Variants in SEPTIN9 observed in about 807,000 individuals in gnomAD.
SEPTIN9 encodes the protein septin-9.
In SEPTIN9, 13 loss-of-function variants were observed where a neutral mutation model predicts 56.6. The ratio of observed to expected loss-of-function variants is 0.23; its 90% CI spans 0.15 to 0.37. SEPTIN9 has a LOEUF of 0.37. SEPTIN9 is among the 10% of genes least tolerant of loss of function. SEPTIN9 has a pLI of 1.00. For missense variants in SEPTIN9, 650 were observed against 823.1 expected (o/e 0.79, Z 2.57); for synonymous variants, 332 against 334.1 (o/e 0.99, Z 0.07).
chr17:77,305,798 G>C (rs1035206867), intron 1 of SEPTIN9, among the ~76,000 whole-genome samples: 6 of 150,892 alleles, frequency 4.0e-5, no homozygotes, highest in African/African-American at 1.5e-4. Context: ...AGTTCACTCT[G>C]CCTCCGCTCT....
chr17:77,406,483 A>T (rs1362651660), intron 3 of SEPTIN9, among the ~76,000 whole-genome samples: 1 of 151,796 alleles, frequency 6.6e-6, no homozygotes, highest in African/African-American at 2.4e-5. Flanking sequence ...TTTTCAGATC[A>T]TAAAAAGTAA....
intron 2 of SEPTIN9, among the ~76,000 whole-genome samples, chr17:77,342,211 T>C (rs1261878130): frequency 1.3e-5 from 2 of 152,224 alleles, no homozygotes; most frequent in African/African-American, 2.4e-5. Context: ...TAACATGTTG[T>C]TGGAAAAATG....
At chr17:77,311,378 C>T (rs373813259) in intron 2 of SEPTIN9, among the ~76,000 whole-genome samples, 1 of 152,152 alleles carries the variant, frequency 6.6e-6, no homozygotes, top group African/African-American at 2.4e-5. Flanking sequence ...CACTGATGCA[C>T]CTCCCACCTG....
Position 77,487,281 on chromosome 17 carries a change from G to T in SEPTIN9, c.914-143G>T. On this transcript the variant is annotated intron_variant, in intron 4 of 11. Coordinates refer to ENST00000427177, the MANE Select transcript of SEPTIN9 (RefSeq NM_001113491.2). This position sits in a 1 kb window ranked among gnomAD's most constrained non-coding sequence, Gnocchi z 4.3. ...AGGGTGAAGTCCTCGGGGGCTGCTT[G>T]GCAGGGATATTGCCGGGAGGTAGCC... 1 of 885,626 alleles carries T rather than the reference G, an allele frequency of 1.1e-6. No individual in the cohort carries two copies. The highest frequency in any genetic ancestry group is 1.8e-6 in the Non-Finnish European group (1 of 556,966). 54.9% of individuals were successfully genotyped at this position (885,626 alleles called of 1,614,324 possible).
chr17:77,315,291 C>CTT (rs71280839), intron 2 of SEPTIN9, among the ~76,000 whole-genome samples: 54 of 144,282 alleles, frequency 3.7e-4, no homozygotes, highest in African/African-American at 6.6e-4. Flanking sequence ...CACCTAACTT[C>CTT]TTTTTTTTTT....
At chr17:77,484,925 GTGAT>G in intron 4 of SEPTIN9, among the ~76,000 whole-genome samples, 1 of 104,102 alleles carries the variant, frequency 9.6e-6, no homozygotes, top group Non-Finnish European at 2.0e-5. Context: ...GGTGGTGATT[GTGAT>G]GGTGGTGATG....
chr17:77,488,434 T>C (rs1398532434), intron 6 of SEPTIN9, 113 bp downstream of exon 6: 8 of 1,005,522 alleles, frequency 8.0e-6, no homozygotes, highest in Non-Finnish European at 1.2e-5. Context: ...GCCCACCTCC[T>C]GGGACCTGAC....
At chr17:77,387,996 C>T (rs1478526672) in intron 2 of SEPTIN9, among the ~76,000 whole-genome samples, 1 of 152,016 alleles carries the variant, frequency 6.6e-6, no homozygotes, top group Non-Finnish European at 1.5e-5. Flanking sequence ...CCCCAGACCC[C>T]TCTCTTGTAG....
In SEPTIN9 at chr17:77,430,998, A is replaced by C. The variant is rs1029168494; in HGVS notation, c.721+28295A>C. ...AGAGCAATACTCCGTATCAAAAAAAAAAAAAAGAAGAAGAACAAGAAGTGC... is the reference window on the plus strand; with the variant it reads ...AGAGCAATACTCCGTATCAAAAAAACAAAAAAGAAGAAGAACAAGAAGTGC... On this transcript the variant is annotated intron_variant, in intron 3 of 11. Transcript: ENST00000427177. 2.5e-3 allele frequency among the ~76,000 whole-genome samples: 374 copies of C among 150,010 alleles called. 3 individuals are homozygous for C. The highest frequency in any genetic ancestry group is 8.0e-3 in the African/African-American group (317 of 39,818).
rs751061565 is a variant in SEPTIN9 at position 77,429,188 on chromosome 17, C to CGAGGCT, written c.721+26497_721+26502dup. ...CTGAGGCCAAGACCAAGGCTGAGGC[C>CGAGGCT]GAGGCTGAGGCTGAGGCCACCTTGG... is the stretch of plus-strand genomic sequence containing the variant. On this transcript the variant is annotated intron_variant, in intron 3 of 11. Coordinates refer to ENST00000427177, the MANE Select transcript of SEPTIN9 (RefSeq NM_001113491.2). The surrounding 1 kb of genome is among the most constrained non-coding windows in gnomAD (Gnocchi z 5.2). 20 of 471,878 alleles carry CGAGGCT rather than the reference C, an allele frequency of 4.2e-5. No homozygotes were observed. Among genetic ancestry groups the CGAGGCT allele is most frequent in the Admixed American group, 2.6e-4 (11 of 42,590 alleles). The allele number at this position is 471,878 out of a possible 1,614,324, so 29.2% of individuals were successfully genotyped here.
chr17:77,486,614 TTG>T (rs1161458084), intron 4 of SEPTIN9, among the ~76,000 whole-genome samples: 2 of 150,826 alleles, frequency 1.3e-5, no homozygotes, highest in Non-Finnish European at 3.0e-5. Flanking sequence ...TTGAGGTGAG[TTG>T]TGTGTGTGTT....
chr17:77,488,731 C>A lies in SEPTIN9; in HGVS notation c.1129C>A (p.Gln377Lys). The A allele has an allele frequency of 6.2e-7, 1 of 1,613,736 alleles. No individual in the cohort carries two copies. Among genetic ancestry groups the A allele is most frequent in the South Asian group, 1.1e-5 (1 of 91,090 alleles). Reference protein sequence around the residue: ...GDHINNENCWQPIMKFINDQY... With the variant: ...GDHINNENCWKPIMKFINDQY... ...TCGTCCCCATCCCCCACGCAGCTGG[C>A]AGCCCATCATGAAGTTCATCAATGA... is the stretch of plus-strand genomic sequence containing the variant. Residue 377 changes from glutamine to lysine, a missense_variant, in exon 7 of 12, where the codon CAG becomes AAG. By Grantham distance (53) the Gln-to-Lys change is moderately conservative (BLOSUM62 1). Around this residue, in one of 2 missense-constraint regions of SEPTIN9, gnomAD observed 333 missense variants for 494.0 expected, o/e 0.67. Coordinates refer to ENST00000427177, the MANE Select transcript of SEPTIN9 (RefSeq NM_001113491.2).
intron 2 of SEPTIN9, among the ~76,000 whole-genome samples, chr17:77,380,553 C>T (rs903017079): frequency 1.4e-4 from 21 of 152,142 alleles, no homozygotes; most frequent in Non-Finnish European, 2.2e-4. Flanking sequence ...CTCCTCCCCA[C>T]ATGGCATCGA....
intron 3 of SEPTIN9, among the ~76,000 whole-genome samples, chr17:77,431,243 G>A (rs895611136): frequency 6.6e-6 from 1 of 151,962 alleles, no homozygotes; most frequent in African/African-American, 2.4e-5. Flanking sequence ...AGGAGTTTGA[G>A]GCTGCAGTGA....
intron 2 of SEPTIN9, among the ~76,000 whole-genome samples, chr17:77,309,490 C>T (rs910420028): frequency 2.0e-5 from 3 of 152,182 alleles, no homozygotes; most frequent in East Asian, 1.9e-4. Context: ...CATTCCTAGA[C>T]GCCCCAGCAT....
intron 1 of SEPTIN9, chr17:77,288,322 A>G (rs1475635285): frequency 1.6e-6 from 1 of 644,264 alleles, no homozygotes; most frequent in Non-Finnish European, 2.0e-6. Flanking sequence ...CCTGGGAACC[A>G]GGGGTTGGGC....
intron 3 of SEPTIN9, among the ~76,000 whole-genome samples, chr17:77,403,022 G>T (rs1175057520): frequency 3.3e-5 from 5 of 152,136 alleles, no homozygotes; most frequent in African/African-American, 7.2e-5. Context: ...TCCCTGGAGG[G>T]CCTGGGAGGC....
intron 2 of SEPTIN9, among the ~76,000 whole-genome samples, chr17:77,336,369 T>G (rs192480112): frequency 6.6e-6 from 1 of 152,158 alleles, no homozygotes; most frequent in Non-Finnish European, 1.5e-5. Flanking sequence ...AGATGGTATA[T>G]CTCCGTTTTA....
intron 10 of SEPTIN9, among the ~76,000 whole-genome samples, chr17:77,493,769 T>C (rs1167329504): frequency 2.7e-5 from 4 of 146,704 alleles, no homozygotes; most frequent in African/African-American, 1.0e-4. Context: ...CTCTTCCTTT[T>C]TTTTTTTTTT....
Sources: gnomAD v4.1 joint callset for allele counts (sites outside exome capture counted in the v4.1 genomes callset) on GRCh38, gnomAD v4.1.1 for gene constraint, gnomAD v4.1.1 regional missense constraint, Gnocchi (gnomAD v3.1) non-coding constraint, MANE v1.5 for transcripts, NCBI Gene and HGNC (gene_info 2026-07-23, HGNC 2026-07-21) for gene names.